The following PAH variants were observed in gnomAD, a reference collection of about 807,000 sequenced individuals.
PAH encodes phenylalanine hydroxylase, also known as phenylalanine-4-hydroxylase.
In PAH, 64 loss-of-function variants were observed where a neutral mutation model predicts 62.0. The ratio of observed to expected loss-of-function variants is 1.03; its 90% CI spans 0.84 to 1.27. The LOEUF (loss-of-function observed/expected upper bound fraction) is 1.27, where lower values mean the gene tolerates loss of function less well. PAH is among the 50% of genes most tolerant of loss of function. The pLI is 0.00. For missense variants in PAH, 579 were observed against 542.8 expected, an observed-to-expected ratio of 1.07 and a Z score of -0.66; for synonymous variants, 195 against 196.2, an observed-to-expected ratio of 0.99 and a Z score of 0.05.
intron 2 of PAH, among the ~76,000 whole-genome samples, chr12:102,897,479 AT>A (rs1761934982): frequency 1.4e-5 from 2 of 146,380 alleles, no homozygotes; most frequent in African/African-American, 5.1e-5. Context: ...ATATATATAT[AT>A]ATATATATAT....
At chr12:102,948,013 A>G (rs772495665) in intron 1 of PAH, among the ~76,000 whole-genome samples, 2 of 152,128 alleles carry the variant, frequency 1.3e-5, no homozygotes, top group Non-Finnish European at 2.9e-5. Flanking sequence ...ATCTTTACTC[A>G]GCCCCCCTCA....
At chr12:102,945,178 A>G (rs1047656299) in intron 1 of PAH, 2 of 152,380 alleles carry the variant, frequency 1.3e-5, no homozygotes, top group Non-Finnish European at 2.9e-5. Flanking sequence ...CAGTGACACA[A>G]GCACCCCTGT....
chr12:102,945,996 C>T (rs1175202923), intron 1 of PAH: 1 of 152,230 alleles, frequency 6.6e-6, no homozygotes, highest in African/African-American at 2.4e-5. Context: ...TGACTGGGTC[C>T]TTCACTTCAA....
At chr12:102,845,780 T>G (rs1009742300) in intron 9 of PAH, among the ~76,000 whole-genome samples, 3 of 152,186 alleles carry the variant, frequency 2.0e-5, no homozygotes, top group Non-Finnish European at 4.4e-5. Context: ...TAAGGCAACA[T>G]GCATGTAGTT....
chr12:102,855,415 GACCAGA>G, intron 5 of PAH, 83 bp from the exon 6 acceptor site: 1 of 1,055,770 alleles, frequency 9.5e-7, no homozygotes, highest in Non-Finnish European at 1.5e-6. Flanking sequence ...GGGAGTCGGG[GACCAGA>G]ACCTGTGAGC....
In PAH at chr12:102,849,929, A is replaced by G. The variant is rs117121826; in HGVS notation, c.912+1758T>C. 1.6e-4 allele frequency among the ~76,000 whole-genome samples: 25 copies of G among 152,332 alleles called. No individual in the cohort carries two copies. The East Asian group carries it at 3.7e-3, about 22-fold the overall frequency. Reference sequence around the variant, plus strand: ...AACTGTCCAGATCAAAGTTGGAACCATGTGACACTGATGCCCCAAGAGCTC... The same window carrying G: ...AACTGTCCAGATCAAAGTTGGAACCGTGTGACACTGATGCCCCAAGAGCTC... On this transcript the variant is annotated intron_variant, in intron 8 of 12. Transcript: ENST00000553106.
At chr12:102,889,577 C>T (rs1877194856) in intron 3 of PAH, among the ~76,000 whole-genome samples, 3 of 143,900 alleles carry the variant, frequency 2.1e-5, no homozygotes, top group Non-Finnish European at 3.0e-5. Flanking sequence ...GATAGACAGG[C>T]AGATAGGTCT....
upstream of PAH, among the ~76,000 whole-genome samples, chr12:102,917,992 G>C (rs925375841): frequency 2.0e-5 from 3 of 152,188 alleles, no homozygotes; most frequent in Admixed American, 2.0e-4. Flanking sequence ...CCGTGTGCTT[G>C]GTGGTGTTCT....
intron 3 of PAH, among the ~76,000 whole-genome samples, chr12:102,885,819 C>T (rs142230950): frequency 3.9e-4 from 60 of 152,314 alleles, no homozygotes; most frequent in Admixed American, 7.2e-4. Context: ...CAGGGGTTAG[C>T]CAGCAAGGCA....
At chr12:102,851,796 G>A (rs1233042620) in intron 7 of PAH, 40 bp from the exon 8 acceptor site, 1 of 1,525,656 alleles carries the variant, frequency 6.6e-7, no homozygotes, top group South Asian at 1.1e-5. Flanking sequence ...AGGGGAGGAG[G>A]TTTAAGCCAA....
In PAH at chr12:102,844,414, C is replaced by T. The variant is rs1218135938; in HGVS notation, c.987G>A (p.Val329=). The change falls in exon 10 of 13, where the codon GTG becomes GTA. Residue 329 remains valine (V), a synonymous_variant. Coordinates refer to ENST00000553106, the MANE Select transcript of PAH (RefSeq NM_000277.3). ...CTCCTTGTTTGCAGAGCCCAAACTC[C>T]ACAGTAAACCAGTAAATCTGGAATG... ...EKLATIYWFT[V]EFGLCKQGDS... is the part of the protein sequence containing the mutation. 1 of 1,612,626 alleles carries T rather than the reference C, an allele frequency of 6.2e-7. No individual in the cohort carries two copies. The highest frequency in any genetic ancestry group is 1.1e-5 in the South Asian group (1 of 91,004).
intron 2 of PAH, among the ~76,000 whole-genome samples, chr12:102,901,615 G>C (rs890750056): frequency 4.6e-5 from 7 of 151,084 alleles, no homozygotes; most frequent in African/African-American, 1.2e-4. Flanking sequence ...TTTTTTGAGA[G>C]CACACTTCAA....
chr12:102,862,423 G>A (rs899027625), intron 5 of PAH, among the ~76,000 whole-genome samples: 1 of 152,054 alleles, frequency 6.6e-6, no homozygotes, highest in East Asian at 1.9e-4. Flanking sequence ...GGAGGGAGAG[G>A]ATCAGGAAAA....
At position 102,877,605 on chromosome 12, in the gene PAH, G is replaced by C. The variant is rs1876632133; in HGVS notation, c.353-55C>G. 7 of 1,347,790 alleles carry C rather than the reference G, an allele frequency of 5.2e-6. No individual in the cohort carries two copies. In the South Asian group the frequency reaches 8.1e-5, roughly 16 times the overall value. The allele number at this position is 1,347,790 out of a possible 1,614,324, so 83.5% of individuals were successfully genotyped here. Reference sequence around the variant, plus strand: ...TACAGATTGGCAGAACATGGCCAAAGGCCTTGCTGAGATCAGAAGTGGGGA... The same window carrying C: ...TACAGATTGGCAGAACATGGCCAAACGCCTTGCTGAGATCAGAAGTGGGGA... On this transcript the variant is annotated intron_variant, in intron 3 of 12. Coordinates refer to ENST00000553106, the MANE Select transcript of PAH (RefSeq NM_000277.3).
chr12:102,864,783 C>A lies in PAH; in HGVS notation c.509+1813G>T, dbSNP rs551249408. Among the ~76,000 whole-genome samples, 64 of 108,432 alleles carry A rather than the reference C, an allele frequency of 5.9e-4. No homozygotes were observed. In the South Asian group the frequency reaches 0.016, roughly 27 times the overall value. The allele number at this position is 108,432 out of a possible 152,430, so 71.1% of individuals were successfully genotyped here. A position where few individuals can be genotyped will look rare whatever the true frequency, so the allele number is the denominator to read the frequency against. The stretch of plus-strand genomic sequence containing the variant: ...TCACAAATACACTTAAGCAAGTAGG[C>A]AAATTCGCAAAATAGAATCTGCAAA... On this transcript the variant is annotated intron_variant, in intron 5 of 12. Coordinates refer to ENST00000553106, the MANE Select transcript of PAH (RefSeq NM_000277.3).
intron 5 of PAH, among the ~76,000 whole-genome samples, chr12:102,857,385 T>A (rs954571944): frequency 5.3e-5 from 8 of 152,282 alleles, no homozygotes; most frequent in Admixed American, 3.9e-4. Context: ...TGGAACCAAG[T>A]TGGAAAACAC....
At chr12:102,939,888 G>T (rs766398456) in intron 1 of PAH, among the ~76,000 whole-genome samples, 1 of 152,170 alleles carries the variant, frequency 6.6e-6, no homozygotes, top group Non-Finnish European at 1.5e-5. Context: ...GCCTGGGAGT[G>T]CCAAGCCAAG....
intron 11 of PAH, among the ~76,000 whole-genome samples, chr12:102,841,887 C>A (rs1281426747): frequency 6.6e-6 from 1 of 152,200 alleles, no homozygotes; most frequent in African/African-American, 2.4e-5. Context: ...CTCAGCCAAT[C>A]ACATCTCTGC....
intron 4 of PAH, among the ~76,000 whole-genome samples, chr12:102,867,741 A>G (rs1045359050): frequency 2.7e-5 from 4 of 150,556 alleles, no homozygotes; most frequent in African/African-American, 9.8e-5. Flanking sequence ...ATATTCCCTG[A>G]TTTTTAGATT....
Sources: gnomAD v4.1 joint callset for allele counts (sites outside exome capture counted in the v4.1 genomes callset) on GRCh38, gnomAD v4.1.1 for gene constraint, MANE v1.5 for transcripts, NCBI Gene and HGNC (gene_info 2026-07-23, HGNC 2026-07-21) for gene names.